Variants in EML4 observed in about 807,000 individuals in gnomAD.
The protein encoded by EML4 is EMAP like 4.
EML4 carries 72 observed loss-of-function variants against 129.0 expected under a neutral mutation model. The ratio of observed to expected loss-of-function variants is 0.56; its 90% confidence interval spans 0.46 to 0.68. EML4 has a LOEUF of 0.68. Among genes scored for constraint, EML4 ranks in the 30% least tolerant of loss-of-function variants. The probability of loss-of-function intolerance (pLI) is 0.00; values close to 1 mark genes in which losing one functional copy is unlikely to be tolerated. For synonymous variants in EML4, 532 were observed against 405.0 expected (o/e 1.31, Z -3.77); for missense variants, 1,363 against 1,190.6 (o/e 1.14, Z -2.13).
intron 1 of EML4, among the ~76,000 whole-genome samples, chr2:42,174,514 C>T (rs1670478975): frequency 6.6e-6 from 1 of 152,020 alleles, no homozygotes; most frequent in Admixed American, 6.6e-5. Flanking sequence ...TGGTCTCAAA[C>T]CCCTGACCTC....
At chr2:42,268,043 A>C (rs1666161337) in intron 6 of EML4, among the ~76,000 whole-genome samples, 1 of 152,222 alleles carries the variant, frequency 6.6e-6, no homozygotes, top group Non-Finnish European at 1.5e-5. Context: ...GAAAATAGAT[A>C]ACAATTTGAC....
intron 1 of EML4, among the ~76,000 whole-genome samples, chr2:42,180,562 A>G (rs1046620809): frequency 3.3e-5 from 5 of 152,110 alleles, no homozygotes; most frequent in Admixed American, 3.3e-4. Context: ...TGTCTTTGCA[A>G]CCTTTACCTA....
At chr2:42,283,123 A>T in intron 8 of EML4, 151 bp downstream of exon 8, 1 of 782,664 alleles carries the variant, frequency 1.3e-6, no homozygotes, top group African/African-American at 1.8e-5. Flanking sequence ...TTAAAAAGAA[A>T]AAAAGGACTT....
At chr2:42,179,265 T>A (rs1172003762) in intron 1 of EML4, among the ~76,000 whole-genome samples, 3 of 59,580 alleles carry the variant, frequency 5.0e-5, no homozygotes, top group African/African-American at 1.4e-4. Flanking sequence ...GGAGCTGGGT[T>A]TTTTTTTTTT....
intron 13 of EML4, 115 bp downstream of exon 13, chr2:42,295,631 C>A: frequency 2.7e-6 from 2 of 746,890 alleles, no homozygotes; most frequent in African/African-American, 1.8e-5. Flanking sequence ...AGCAAGTCAC[C>A]AACATACCTT....
In EML4 at chr2:42,278,299, G is replaced by A. The variant is rs530787578; in HGVS notation, c.668-2551G>A. On this transcript the variant is annotated intron_variant, in intron 6 of 22. Coordinates refer to ENST00000318522, the MANE Select transcript of EML4 (RefSeq NM_019063.5). ...GACTAAGAAACAATTGCGGCCGCAT[G>A]CGGTGGCTCACACAGGTAATCCCAG... 2.0e-5 allele frequency among the ~76,000 whole-genome samples: 3 copies of A among 152,248 alleles called. No individual in the cohort carries two copies. The South Asian group carries it at 6.2e-4, about 32-fold the overall frequency.
At chr2:42,269,963 A>G (rs1022564819) in intron 6 of EML4, among the ~76,000 whole-genome samples, 1 of 152,132 alleles carries the variant, frequency 6.6e-6, no homozygotes, top group Non-Finnish European at 1.5e-5. Flanking sequence ...ATCACAGAAA[A>G]TTAAAGAATC....
At chr2:42,178,486 G>A (rs1670744790) in intron 1 of EML4, among the ~76,000 whole-genome samples, 1 of 152,106 alleles carries the variant, frequency 6.6e-6, no homozygotes, top group African/African-American at 2.4e-5. Flanking sequence ...GGAGGCTGCA[G>A]TGAGCTATGA....
intron 4 of EML4, 94 bp from the exon 5 acceptor site, chr2:42,263,084 A>T: frequency 9.5e-7 from 1 of 1,047,558 alleles, no homozygotes; most frequent in East Asian, 2.5e-5. Context: ...GCTTTAAGGA[A>T]ATGTTAATTG....
At chr2:42,233,480 T>C (rs936681465) in intron 1 of EML4, among the ~76,000 whole-genome samples, 5 of 151,748 alleles carry the variant, frequency 3.3e-5, no homozygotes, top group African/African-American at 1.2e-4. Flanking sequence ...CAATTTTTTT[T>C]TTATTTTTAG....
At chr2:42,311,240 A>G (rs1467600876) in intron 17 of EML4, among the ~76,000 whole-genome samples, 1 of 152,216 alleles carries the variant, frequency 6.6e-6, no homozygotes, top group Non-Finnish European at 1.5e-5. Flanking sequence ...TGACTTTGAA[A>G]CAGTCTTAAA....
chr2:42,192,089 G>C (rs1308517295), intron 1 of EML4, among the ~76,000 whole-genome samples: 3 of 147,000 alleles, frequency 2.0e-5, no homozygotes, highest in African/African-American at 5.1e-5. Context: ...AGTGATCCGA[G>C]ATCAGGCCAT....
intron 6 of EML4, among the ~76,000 whole-genome samples, chr2:42,276,446 A>G (rs1345639030): frequency 6.6e-6 from 1 of 152,114 alleles, no homozygotes; most frequent in African/African-American, 2.4e-5. Flanking sequence ...ATTTCCTGCA[A>G]ATGAATTTGT....
chr2:42,200,986 A>G (rs1002054199), intron 1 of EML4, among the ~76,000 whole-genome samples: 7 of 152,134 alleles, frequency 4.6e-5, no homozygotes, highest in Non-Finnish European at 1.0e-4. Flanking sequence ...AAATTAAGTG[A>G]ATTGCATCCT....
chr2:42,225,977 T>G (rs1412062894), intron 1 of EML4, among the ~76,000 whole-genome samples: 1 of 151,950 alleles, frequency 6.6e-6, no homozygotes, highest in African/African-American at 2.4e-5. Flanking sequence ...TCTAAAAATT[T>G]GTTTTATTTT....
intron 11 of EML4, chr2:42,289,884 A>G (rs1237542191): frequency 2.0e-5 from 3 of 146,752 alleles, no homozygotes; most frequent in Admixed American, 1.4e-4. Flanking sequence ...CCCGGCCAAC[A>G]TCGTGAAGCC....
chr2:42,178,806 T>C (rs1670767036), intron 1 of EML4, among the ~76,000 whole-genome samples: 1 of 152,222 alleles, frequency 6.6e-6, no homozygotes, highest in Non-Finnish European at 1.5e-5. Context: ...CTATAGCGCT[T>C]CTAAAGTGGA....
At chr2:42,256,738 G>C (rs1439280583) in intron 3 of EML4, 108 bp downstream of exon 3, 2 of 1,355,736 alleles carry the variant, frequency 1.5e-6, no homozygotes, top group Non-Finnish European at 2.0e-6. Context: ...ATTCAAGTGA[G>C]CATGTCCTTT....
At position 42,188,649 on chromosome 2, in the gene EML4, C is replaced by G. The variant is rs187014533; in HGVS notation, c.25+19013C>G. 1.1e-3 allele frequency among the ~76,000 whole-genome samples: 168 copies of G among 152,136 alleles called. 1 individual carries two copies. Among genetic ancestry groups the G allele is most frequent in the African/African-American group, 3.9e-3 (160 of 41,490 alleles). ...CAGCCTCTGCCTCCTGTGTTAGCCT[C>G]CCGAGTAGCAGGGATTACAGGCACC... On this transcript the variant is annotated intron_variant, in intron 1 of 22. Coordinates refer to ENST00000318522, the MANE Select transcript of EML4 (RefSeq NM_019063.5).
Sources: allele counts gnomAD v4.1 joint callset (sites outside exome capture counted in the v4.1 genomes callset), GRCh38; gene constraint gnomAD v4.1.1; transcripts MANE v1.5; gene names NCBI Gene and HGNC (gene_info 2026-07-23, HGNC 2026-07-21).